The following ATXN10 variants were observed in gnomAD, a reference collection of about 807,000 sequenced individuals.
ATXN10 encodes ataxin-10.
Under a neutral mutation model 52.9 loss-of-function variants are expected in ATXN10, and 28 were observed. The ratio of observed to expected loss-of-function variants is 0.53; its 90% CI spans 0.39 to 0.73. ATXN10 has a LOEUF of 0.73. Among genes scored for constraint, ATXN10 ranks in the 30% least tolerant of loss-of-function variants. ATXN10 has a pLI of 0.00. For missense variants in ATXN10, 565 were observed against 577.0 expected (o/e 0.98, Z 0.21); for synonymous variants, 226 against 221.5 (o/e 1.02, Z -0.18).
chr22:45,809,994 C>G (rs1448914480), intron 10 of ATXN10, among the ~76,000 whole-genome samples: 1 of 152,018 alleles, frequency 6.6e-6, no homozygotes, highest in African/African-American at 2.4e-5. Flanking sequence ...AGAAGTATTT[C>G]TTTACCCTGA....
At chr22:45,773,108 A>C (rs1926831250) in intron 9 of ATXN10, among the ~76,000 whole-genome samples, 1 of 152,186 alleles carries the variant, frequency 6.6e-6, no homozygotes, top group Admixed American at 6.5e-5. Flanking sequence ...GAGCTACTGT[A>C]CATGTTACTT....
intron 9 of ATXN10, among the ~76,000 whole-genome samples, chr22:45,800,821 A>G (rs1480771338): frequency 6.6e-6 from 1 of 152,198 alleles, no homozygotes; most frequent in African/African-American, 2.4e-5. Context: ...CATTAAACCC[A>G]TTTGTGTTAT....
At chr22:45,808,232 G>T (rs944842120) in intron 10 of ATXN10, among the ~76,000 whole-genome samples, 1 of 152,142 alleles carries the variant, frequency 6.6e-6, no homozygotes, top group Non-Finnish European at 1.5e-5. Flanking sequence ...AAAGAAAAAA[G>T]AAGAAAGCTT....
In ATXN10 at chr22:45,826,210, G is replaced by A. The variant is rs6006812; in HGVS notation, c.1238-16781G>A. Among the ~76,000 whole-genome samples, 6,046 of 152,244 alleles carry A rather than the reference G, an allele frequency of 0.04. 420 individuals carry two copies. The highest frequency in any genetic ancestry group is 0.14 in the African/African-American group (5,759 of 41,502). On this transcript the variant is annotated intron_variant, in intron 10 of 11. Transcript: ENST00000252934. The surrounding 1 kb of genome is among the most constrained non-coding windows in gnomAD (Gnocchi z 5.0). ...ACTAGAAGGATTCGAAGACAGATTT[G>A]AGCAGGGAGAAGGAAGCTAGGACAA...
At position 45,740,308 on chromosome 22, in the gene ATXN10, T is replaced by C; in HGVS notation, c.1004-61T>C. On this transcript the variant is annotated intron_variant, in intron 8 of 11. Transcript: ENST00000252934. ...ATTAGATTTGTCTATGGAAAACTAT[T>C]AGTACAACATACTAAAAGTTACTTT... is the stretch of plus-strand genomic sequence containing the variant. 2.6e-6 allele frequency: 4 copies of C among 1,518,752 alleles called. No individual in the cohort carries two copies. The Admixed American group carries it at 5.0e-5, about 19-fold the overall frequency. 94.1% of individuals were successfully genotyped at this position (1,518,752 alleles called of 1,614,324 possible).
Position 45,772,095 on chromosome 22 carries a change from A to G in ATXN10, c.1173+31557A>G, listed in dbSNP as rs1184173221. Among the ~76,000 whole-genome samples the G allele has an allele frequency of 1.3e-5, 2 of 152,080 alleles. No individual in the cohort carries two copies. The highest frequency in any genetic ancestry group is 2.9e-5 in the Non-Finnish European group (2 of 68,012). On this transcript the variant is annotated intron_variant, in intron 9 of 11. Coordinates refer to ENST00000252934, the MANE Select transcript of ATXN10 (RefSeq NM_013236.4). The surrounding 1 kb of genome is among the most constrained non-coding windows in gnomAD (Gnocchi z 4.1). Reference sequence around the variant, plus strand: ...AAAATTTTTGAAGTTCACTTTATCAATTTTTTTCTTTTATGAATCATACTT... The same window carrying G: ...AAAATTTTTGAAGTTCACTTTATCAGTTTTTTTCTTTTATGAATCATACTT...
rs1359051564 is a variant in ATXN10 at position 45,701,396 on chromosome 22, CTTG to C, written c.488+1023_488+1025del. Among the ~76,000 whole-genome samples, 3 of 152,130 alleles carry C rather than the reference CTTG, an allele frequency of 2.0e-5. No homozygotes were observed. Among genetic ancestry groups the C allele is most frequent in the Non-Finnish European group, 2.9e-5 (2 of 67,996 alleles). ...CTGCTTAAATTCCGTAATGCCCTTC[CTTG>C]TTGTACAGCTTTCCTGGGCTCCTCT... On this transcript the variant is annotated intron_variant, in intron 4 of 11. Coordinates refer to ENST00000252934, the MANE Select transcript of ATXN10 (RefSeq NM_013236.4). The surrounding 1 kb of genome is among the most constrained non-coding windows in gnomAD (Gnocchi z 4.2).
chr22:45,774,897 G>C lies in ATXN10; in HGVS notation c.1174-32062G>C, dbSNP rs548559030. Reference sequence around the variant, plus strand: ...GCAGGCTGCAGTGAGCCAAGATCACGCCAGTGCACGCCAGCCTGGGTGACA... The same window carrying C: ...GCAGGCTGCAGTGAGCCAAGATCACCCCAGTGCACGCCAGCCTGGGTGACA... On this transcript the variant is annotated intron_variant, in intron 9 of 11. Coordinates refer to ENST00000252934, the MANE Select transcript of ATXN10 (RefSeq NM_013236.4). This position sits in a 1 kb window ranked among gnomAD's most constrained non-coding sequence, Gnocchi z 6.2. Among the ~76,000 whole-genome samples, 1 of 152,264 alleles carries C rather than the reference G, an allele frequency of 6.6e-6. No individual in the cohort carries two copies. The highest frequency in any genetic ancestry group is 2.1e-4 in the South Asian group (1 of 4,820).
intron 10 of ATXN10, among the ~76,000 whole-genome samples, chr22:45,821,462 A>G (rs1928647137): frequency 1.3e-5 from 2 of 152,192 alleles, no homozygotes; most frequent in African/African-American, 4.8e-5. Flanking sequence ...AAAGACCCCA[A>G]CCTCCTCTCC....
chr22:45,761,101 C>G (rs1926372246), intron 9 of ATXN10, among the ~76,000 whole-genome samples: 1 of 152,116 alleles, frequency 6.6e-6, no homozygotes, highest in African/African-American at 2.4e-5. Context: ...CTTATGTTTT[C>G]AAGGGTGACC....
intron 5 of ATXN10, among the ~76,000 whole-genome samples, chr22:45,713,169 T>C (rs912944738): frequency 6.6e-6 from 1 of 152,192 alleles, no homozygotes; most frequent in Non-Finnish European, 1.5e-5. Context: ...TCTGTTGGCA[T>C]GTGCTCCTCG....
intron 5 of ATXN10, among the ~76,000 whole-genome samples, chr22:45,709,718 T>C (rs1273935397): frequency 1.3e-5 from 2 of 152,232 alleles, no homozygotes. Context: ...GATCTCTTGC[T>C]GAAGCTCTAG....
chr22:45,827,580 C>T (rs1928856838), intron 10 of ATXN10, among the ~76,000 whole-genome samples: 1 of 152,064 alleles, frequency 6.6e-6, no homozygotes, highest in Non-Finnish European at 1.5e-5. Context: ...ATTAAAGTTT[C>T]AATACAGTAA....
intron 9 of ATXN10, among the ~76,000 whole-genome samples, chr22:45,764,432 C>G (rs1450491439): frequency 6.6e-6 from 1 of 152,152 alleles, no homozygotes; most frequent in Admixed American, 6.5e-5. Flanking sequence ...GTTTGAGTCT[C>G]AACTCTCAAA....
Position 45,729,730 on chromosome 22 carries a change from G to A in ATXN10, c.894+140G>A, listed in dbSNP as rs772191665. The A allele has an allele frequency of 3.1e-6, 3 of 964,722 alleles. No homozygotes were observed. The South Asian group carries it at 4.1e-5, about 13-fold the overall frequency. 59.8% of individuals were successfully genotyped at this position (964,722 alleles called of 1,614,324 possible). A position where few individuals can be genotyped will look rare whatever the true frequency, so the allele number is the denominator to read the frequency against. On this transcript the variant is annotated intron_variant, in intron 7 of 11. Transcript: ENST00000252934. The stretch of plus-strand genomic sequence containing the variant: ...AATGTATCCATATATGAGAATAGTT[G>A]GAAAATTTAGATAAGGGAAAACAGT...
intron 1 of ATXN10, chr22:45,675,592 G>T (rs567829807): frequency 1.3e-5 from 2 of 152,340 alleles, no homozygotes; most frequent in Admixed American, 1.3e-4. Flanking sequence ...AGGAGCTGAG[G>T]CCTCCTTTGA....
At chr22:45,831,891 G>A (rs1247245138) in intron 10 of ATXN10, among the ~76,000 whole-genome samples, 2 of 152,220 alleles carry the variant, frequency 1.3e-5, no homozygotes, top group South Asian at 2.1e-4. Flanking sequence ...GAGCTCCACT[G>A]TACCCATGGC....
At chr22:45,719,127 G>T (rs1037654196) in intron 6 of ATXN10, among the ~76,000 whole-genome samples, 31 of 151,500 alleles carry the variant, frequency 2.0e-4, no homozygotes, top group African/African-American at 7.0e-4. Context: ...TAAGGAGATT[G>T]AATAAATAAT....
At chr22:45,729,402 C>T in intron 6 of ATXN10, 23 bp from the exon 7 acceptor site, 2 of 1,612,220 alleles carry the variant, frequency 1.2e-6, no homozygotes, top group Non-Finnish European at 8.5e-7. Context: ...TAGATTCATG[C>T]AGAAATCCTT....
Sources: gnomAD v4.1 joint callset for allele counts (sites outside exome capture counted in the v4.1 genomes callset) on GRCh38, gnomAD v4.1.1 for gene constraint, Gnocchi (gnomAD v3.1) non-coding constraint, MANE v1.5 for transcripts, NCBI Gene and HGNC (gene_info 2026-07-23, HGNC 2026-07-21) for gene names.